The following CNBD1 variants were observed in gnomAD, a reference collection of about 807,000 sequenced individuals.
The protein encoded by CNBD1 is cyclic nucleotide-binding domain-containing protein 1.
In CNBD1, 71 loss-of-function variants were observed where a neutral mutation model predicts 54.4. That is an observed-to-expected ratio of 1.30 (90% CI 1.08 to 1.59). CNBD1 has a LOEUF of 1.59. Among genes scored for constraint, CNBD1 ranks in the 40% most tolerant of loss-of-function variants. CNBD1 has a pLI of 0.00. For missense variants in CNBD1, 659 were observed against 518.0 expected, an observed-to-expected ratio of 1.27 and a Z score of -2.64; for synonymous variants, 182 against 170.7, an observed-to-expected ratio of 1.07 and a Z score of -0.51.
chr8:86,949,035 C>T (rs1454111077), intron 4 of CNBD1, among the ~76,000 whole-genome samples: 3 of 151,950 alleles, frequency 2.0e-5, no homozygotes, highest in East Asian at 1.9e-4. Context: ...TTTCTTGGTA[C>T]CGTTGTCAAA....
chr8:87,303,307 G>C (rs1462544516), intron 8 of CNBD1, among the ~76,000 whole-genome samples: 6 of 152,050 alleles, frequency 3.9e-5, no homozygotes, highest in African/African-American at 1.2e-4. Context: ...CAATGGAACA[G>C]AACAGAGCCC....
intron 4 of CNBD1, among the ~76,000 whole-genome samples, chr8:87,154,955 G>A (rs1812683470): frequency 6.6e-6 from 1 of 152,154 alleles, no homozygotes; most frequent in Non-Finnish European, 1.5e-5. Flanking sequence ...TTTAGGAGGA[G>A]TTAAATGAGA....
chr8:86,996,698 G>T (rs539515003), intron 4 of CNBD1, among the ~76,000 whole-genome samples: 2 of 152,132 alleles, frequency 1.3e-5, no homozygotes, highest in Non-Finnish European at 2.9e-5. Context: ...TCACAAAGTT[G>T]GTACAATGAA....
chr8:87,382,641 C>G lies in CNBD1; in HGVS notation c.*14C>G, dbSNP rs1224822368. 1.3e-6 allele frequency: 2 copies of G among 1,523,462 alleles called. No homozygotes were observed. Among genetic ancestry groups the G allele is most frequent in the East Asian group, 2.5e-5 (1 of 40,628 alleles). 94.4% of individuals were successfully genotyped at this position (1,523,462 alleles called of 1,614,324 possible). ...GCAGTGGCCTAGATCTAGAAACAACCTCAGTGAACATTAATTAAGAAAGTA... is the reference window on the plus strand; with the variant it reads ...GCAGTGGCCTAGATCTAGAAACAACGTCAGTGAACATTAATTAAGAAAGTA... On this transcript the variant is annotated 3_prime_UTR_variant, in exon 11 of 11. Transcript: ENST00000518476.
rs191015697 is a variant in CNBD1 at position 87,264,813 on chromosome 8, T to C, written c.772-19865T>C. Among the ~76,000 whole-genome samples the C allele has an allele frequency of 5.9e-3, 896 of 152,310 alleles. 7 individuals are homozygous for C. The highest frequency in any genetic ancestry group is 0.021 in the South Asian group (101 of 4,830). Reference sequence around the variant, plus strand: ...TAAATGTCTTCTTTTGAGAAGTGTCTGTTCATATCCTTCGCCCACTTGTTG... The same window carrying C: ...TAAATGTCTTCTTTTGAGAAGTGTCCGTTCATATCCTTCGCCCACTTGTTG... On this transcript the variant is annotated intron_variant, in intron 6 of 10. Transcript: ENST00000518476.
At chr8:87,270,954 T>C (rs1041244900) in intron 6 of CNBD1, among the ~76,000 whole-genome samples, 14 of 151,856 alleles carry the variant, frequency 9.2e-5, no homozygotes, top group Non-Finnish European at 1.8e-4. Flanking sequence ...TTGTTACTCA[T>C]TATTTGTTTG....
At chr8:87,096,774 G>A (rs1328988133) in intron 4 of CNBD1, among the ~76,000 whole-genome samples, 1 of 151,618 alleles carries the variant, frequency 6.6e-6, no homozygotes, top group Non-Finnish European at 1.5e-5. Flanking sequence ...GAGAGGCTTT[G>A]CTGCTTCTGA....
intron 4 of CNBD1, among the ~76,000 whole-genome samples, chr8:87,185,248 T>C (rs1028285894): frequency 3.9e-5 from 6 of 152,226 alleles, no homozygotes; most frequent in African/African-American, 1.2e-4. Context: ...TCTATAACCT[T>C]ACTGTTTTTC....
chr8:87,354,933 G>T (rs532707900), intron 10 of CNBD1, among the ~76,000 whole-genome samples: 1 of 152,264 alleles, frequency 6.6e-6, no homozygotes, highest in South Asian at 2.1e-4. Context: ...TAATGGGATG[G>T]CTGGGTCCAT....
chr8:87,402,498 G>C (rs1807583611), intron 2 of CNBD1, among the ~76,000 whole-genome samples: 1 of 152,048 alleles, frequency 6.6e-6, no homozygotes, highest in South Asian at 2.1e-4. Flanking sequence ...TGGTGTTTTT[G>C]AATAGGTTTT....
At chr8:87,281,293 A>T (rs911088290) in intron 6 of CNBD1, among the ~76,000 whole-genome samples, 3 of 151,212 alleles carry the variant, frequency 2.0e-5, no homozygotes, top group Non-Finnish European at 4.4e-5. Context: ...CCATTGAAAC[A>T]AATACAAGGA....
At chr8:87,031,196 T>A (rs1370430161) in intron 4 of CNBD1, among the ~76,000 whole-genome samples, 2 of 151,788 alleles carry the variant, frequency 1.3e-5, no homozygotes, top group Non-Finnish European at 2.9e-5. Context: ...GTCTGAAGTG[T>A]CTTTCTCAGT....
chr8:87,380,024 G>T (rs575576637), intron 10 of CNBD1, among the ~76,000 whole-genome samples: 5 of 149,346 alleles, frequency 3.3e-5, no homozygotes, highest in Admixed American at 3.3e-4. Context: ...CACTTGGGAG[G>T]TTTTAGATAA....
chr8:87,078,249 G>T (rs867156642), intron 4 of CNBD1, among the ~76,000 whole-genome samples: 1 of 152,284 alleles, frequency 6.6e-6, no homozygotes, highest in Non-Finnish European at 1.5e-5. Flanking sequence ...ACTATTTTTA[G>T]ATGAGTACTT....
At position 87,149,992 on chromosome 8, in the gene CNBD1, G is replaced by A. The variant is rs549763904; in HGVS notation, c.432-56001G>A. On this transcript the variant is annotated intron_variant, in intron 4 of 10. Coordinates refer to ENST00000518476, the MANE Select transcript of CNBD1 (RefSeq NM_173538.3). ...AGATCGAGACCATCCTGGCTAATACGGTAAAACCACGTCTTTACCAAAAAA... is the reference window on the plus strand; with the variant it reads ...AGATCGAGACCATCCTGGCTAATACAGTAAAACCACGTCTTTACCAAAAAA... Among the ~76,000 whole-genome samples, 9 of 152,090 alleles carry A rather than the reference G, an allele frequency of 5.9e-5. No homozygotes were observed. The East Asian group carries it at 1.2e-3, about 20-fold the overall frequency.
At chr8:87,307,748 T>TATATATATA (rs1554577847) in intron 8 of CNBD1, among the ~76,000 whole-genome samples, 1 of 138,050 alleles carries the variant, frequency 7.2e-6, no homozygotes, top group Non-Finnish European at 1.5e-5. Flanking sequence ...AAAAAAAAAA[T>TATATATATA]TATATATATA....
At chr8:87,255,932 C>CAG (rs1388354176) in intron 6 of CNBD1, among the ~76,000 whole-genome samples, 15 of 113,172 alleles carry the variant, frequency 1.3e-4, no homozygotes, top group African/African-American at 2.6e-4. Flanking sequence ...TTGCAAGATT[C>CAG]ATATATATAT....
chr8:87,394,578 A>G (rs762515740), intron 2 of CNBD1, among the ~76,000 whole-genome samples: 13 of 151,892 alleles, frequency 8.6e-5, no homozygotes, highest in Non-Finnish European at 1.6e-4. Context: ...TCTGCTTTTA[A>G]CTGTATAGTC....
At chr8:87,146,688 A>G (rs1465713076) in intron 4 of CNBD1, among the ~76,000 whole-genome samples, 3 of 152,046 alleles carry the variant, frequency 2.0e-5, no homozygotes, top group Non-Finnish European at 4.4e-5. Context: ...ACTCCTGTCC[A>G]CATTAGCAAG....
Sources: allele counts gnomAD v4.1 joint callset (sites outside exome capture counted in the v4.1 genomes callset), GRCh38; gene constraint gnomAD v4.1.1; transcripts MANE v1.5; gene names NCBI Gene and HGNC (gene_info 2026-07-23, HGNC 2026-07-21).